BBOF1: variants seen among roughly 807,000 people sequenced by gnomAD.
The protein encoded by BBOF1 is basal body orientation factor 1.
A neutral mutation model predicts 68.0 loss-of-function variants in BBOF1; 62 were observed. That is an observed-to-expected ratio of 0.91 (90% CI 0.74 to 1.13). The LOEUF (loss-of-function observed/expected upper bound fraction) is 1.13. Among genes scored for constraint, BBOF1 ranks in the 50% most tolerant of loss-of-function variants. BBOF1 has a pLI of 0.00. For synonymous variants in BBOF1, 208 were observed against 198.8 expected (o/e 1.05, Z -0.39); for missense variants, 534 against 600.1 (o/e 0.89, Z 1.15).
chr14:74,063,978 C>T (rs1210674671), intron 11 of BBOF1, among the ~76,000 whole-genome samples: 3 of 151,780 alleles, frequency 2.0e-5, no homozygotes, highest in Non-Finnish European at 4.4e-5. Flanking sequence ...TTTTCTTGTT[C>T]AGTGCTGTAT....
intron 10 of BBOF1, among the ~76,000 whole-genome samples, chr14:74,080,290 T>A (rs138422480): frequency 6.6e-6 from 1 of 151,980 alleles, no homozygotes. Flanking sequence ...TATCCCAGTC[T>A]ATACCATCAT....
intron 3 of BBOF1, among the ~76,000 whole-genome samples, chr14:74,032,636 G>A (rs1415055175): frequency 3.3e-5 from 5 of 151,580 alleles, no homozygotes; most frequent in Non-Finnish European, 7.4e-5. Flanking sequence ...TGGGATTACA[G>A]GTGCGTGCCA....
At chr14:74,056,823 A>T (rs1344157095) in intron 9 of BBOF1, 83 bp from the exon 10 acceptor site, 23 of 927,044 alleles carry the variant, frequency 2.5e-5, no homozygotes, top group East Asian at 5.3e-5. Flanking sequence ...AAATAAAAAA[A>T]AATTAAAATA....
Position 74,023,099 on chromosome 14 carries a change from A to C in BBOF1, c.240A>C (p.Ser80=). The stretch of plus-strand genomic sequence containing the variant: ...GTAAAATGGAGAAAGACATAATGTC[A>C]GTATTAAGTTACCTGAAGAAGCAGG... ...KQCKMEKDIM[S]VLSYLKKQDQ... Residue 80 remains serine, a synonymous_variant, in exon 2 of 12, where the codon TCA becomes TCC. Transcript: ENST00000394009. 1 of 1,597,458 alleles carries C rather than the reference A, an allele frequency of 6.3e-7. No individual in the cohort carries two copies. Among genetic ancestry groups the C allele is most frequent in the Non-Finnish European group, 8.5e-7 (1 of 1,171,296 alleles).
At position 74,020,963 on chromosome 14, in the gene BBOF1, G is replaced by C. The variant is rs114410531; in HGVS notation, c.56+1429G>C. Among the ~76,000 whole-genome samples the C allele has an allele frequency of 2.6e-3, 391 of 152,270 alleles. 2 individuals are homozygous for C. The highest frequency in any genetic ancestry group is 9.2e-3 in the African/African-American group (382 of 41,558). ...CCTTAATTTGAAGAGAACAAAAGGT[G>C]AAAGTGGGACTTTGGTTCTCTCCAC... is the stretch of plus-strand genomic sequence containing the variant. On this transcript the variant is annotated intron_variant, in intron 1 of 11. Coordinates refer to ENST00000394009, the MANE Select transcript of BBOF1 (RefSeq NM_025057.3).
rs111844188 is a variant in BBOF1, at chr14:74,044,171, G to A, written c.577-1889G>A. ...TGAGACATGAGAATCACCTGAACTC[G>A]GGAGACAGATGTTGCAGTGAGCCGA... On this transcript the variant is annotated intron_variant, in intron 5 of 11. Coordinates refer to ENST00000394009, the MANE Select transcript of BBOF1 (RefSeq NM_025057.3). Among the ~76,000 whole-genome samples the A allele has an allele frequency of 2.2e-3, 341 of 151,908 alleles. 2 individuals are homozygous for A. The highest frequency in any genetic ancestry group is 7.8e-3 in the African/African-American group (323 of 41,450).
downstream of BBOF1, among the ~76,000 whole-genome samples, chr14:74,068,691 C>T (rs112798187): frequency 0.023 from 3,495 of 151,836 alleles, 141 homozygotes; most frequent in African/African-American, 0.081. Context: ...TGCAGTGAGC[C>T]GAGATCATGC....
Position 74,064,741 on chromosome 14 carries a change from T to C in BBOF1, c.*42T>C. 1 of 1,612,380 alleles carries C rather than the reference T, an allele frequency of 6.2e-7. No individual in the cohort carries two copies. Among genetic ancestry groups the C allele is most frequent in the Non-Finnish European group, 8.5e-7 (1 of 1,178,370 alleles). On this transcript the variant is annotated 3_prime_UTR_variant, in exon 12 of 12. Coordinates refer to ENST00000394009, the MANE Select transcript of BBOF1 (RefSeq NM_025057.3). ...CCTCACAGATGCTGCTGGCAGTCCC[T>C]TCCTTGCAGAATCCTTGCTCCTGAA...
downstream of BBOF1, chr14:74,066,667 C>T: frequency 6.3e-7 from 1 of 1,583,874 alleles, no homozygotes; most frequent in Non-Finnish European, 8.7e-7. Context: ...CTTTAAGGTG[C>T]CTTCAGCTCT....
At position 74,065,722 on chromosome 14, in the gene BBOF1, ATAGTAAATATAC is replaced by A. The variant is rs1451568515; in HGVS notation, c.*1024_*1035del. 1.5e-5 allele frequency: 4 copies of A among 258,530 alleles called. No individual in the cohort carries two copies. The highest frequency in any genetic ancestry group is 3.0e-5 in the Non-Finnish European group (4 of 131,660). 16.0% of individuals were successfully genotyped at this position (258,530 alleles called of 1,614,324 possible). A position where few individuals can be genotyped will look rare whatever the true frequency, so the allele number is the denominator to read the frequency against. ...AATTTATTTTTTATAAATCCAATCT[ATAGTAAATATAC>A]CAGGATAATTTTTCTCTTTACAGAA... On this transcript the variant is annotated 3_prime_UTR_variant, in exon 12 of 12. Coordinates refer to ENST00000394009, the MANE Select transcript of BBOF1 (RefSeq NM_025057.3).
intron 3 of BBOF1, 61 bp downstream of exon 3, chr14:74,029,310 AG>A: frequency 1.9e-6 from 2 of 1,045,576 alleles, no homozygotes; most frequent in South Asian, 2.7e-5. Context: ...TGGCAAGCTC[AG>A]GTATTTAAGA....
chr14:74,063,133 C>T (rs1258540626), intron 11 of BBOF1, among the ~76,000 whole-genome samples: 1 of 152,066 alleles, frequency 6.6e-6, no homozygotes, highest in Non-Finnish European at 1.5e-5. Context: ...TGCCATGCTT[C>T]TTCCTGCCTC....
Position 74,034,128 on chromosome 14 carries a change from A to C in BBOF1, c.452A>C (p.Gln151Pro). The stretch of plus-strand genomic sequence containing the variant: ...CACACAGAGCTGAAAGCAGTAAGAC[A>C]ATTCCAGAAGAGAAAAATCCAAGTG... Reference protein sequence around the residue: ...MIHTELKAVRQFQKRKIQVER... With the variant: ...MIHTELKAVRPFQKRKIQVER... The change falls in exon 4 of 12, where the codon CAA becomes CCA. Residue 151 changes from glutamine (Q) to proline (P), a missense_variant. Physicochemically the swap from Gln to Pro is moderately conservative, Grantham distance 76. Transcript: ENST00000394009. The C allele has an allele frequency of 6.3e-7, 1 of 1,594,982 alleles. No individual in the cohort carries two copies. Among genetic ancestry groups the C allele is most frequent in the South Asian group, 1.1e-5 (1 of 87,248 alleles).
At chr14:74,060,897 T>C (rs773522246) in intron 11 of BBOF1, 7 of 664,202 alleles carry the variant, frequency 1.1e-5, no homozygotes, top group Admixed American at 2.4e-5. Context: ...CCTAAGATAA[T>C]TGATCTAAAA....
At position 74,061,389 on chromosome 14, in the gene BBOF1, C is replaced by T. The variant is rs568110845; in HGVS notation, c.1579-3299C>T. On this transcript the variant is annotated intron_variant, in intron 11 of 11. Transcript: ENST00000394009. ...TGATCTTGGCTCACTGCAACCTCTG[C>T]CTCCCAGGTTCATGTGATTCTCCTG... Among the ~76,000 whole-genome samples the T allele has an allele frequency of 1.3e-4, 20 of 152,166 alleles. No individual in the cohort carries two copies. The South Asian group carries it at 4.2e-3, about 32-fold the overall frequency.
At chr14:74,059,444 C>T in intron 11 of BBOF1, 2 of 452,928 alleles carry the variant, frequency 4.4e-6, no homozygotes, top group Non-Finnish European at 8.9e-6. Context: ...GCCTGTAATC[C>T]CAGCACTTTG....
At chr14:74,032,128 T>G (rs1163460890) in intron 3 of BBOF1, among the ~76,000 whole-genome samples, 1 of 145,230 alleles carries the variant, frequency 6.9e-6, no homozygotes, top group Non-Finnish European at 1.5e-5. Context: ...ATTTTTTTTT[T>G]TTTTTTTTTT....
intron 4 of BBOF1, 55 bp downstream of exon 4, chr14:74,034,226 T>C: frequency 8.4e-7 from 1 of 1,195,832 alleles, no homozygotes; most frequent in South Asian, 2.0e-5. Context: ...ATTTAATGCC[T>C]ACAGAAGCCT....
chr14:74,045,587 G>A (rs1271095941), intron 5 of BBOF1, among the ~76,000 whole-genome samples: 3 of 152,222 alleles, frequency 2.0e-5, no homozygotes, highest in Non-Finnish European at 4.4e-5. Context: ...GGGATTACAG[G>A]CGTGAGCCAC....
Sources: gnomAD v4.1 joint callset for allele counts (sites outside exome capture counted in the v4.1 genomes callset) on GRCh38, gnomAD v4.1.1 for gene constraint, MANE v1.5 for transcripts, NCBI Gene and HGNC (gene_info 2026-07-23, HGNC 2026-07-21) for gene names.